The following SLC25A14 variants were observed in gnomAD, a reference collection of about 807,000 sequenced individuals.
SLC25A14 encodes brain mitochondrial carrier protein 1.
In SLC25A14, 8 loss-of-function variants were observed where a neutral mutation model predicts 28.1. The observed-to-expected ratio is 0.28, with a 90% CI of 0.17 to 0.51. The LOEUF is 0.51. Among genes scored for constraint, SLC25A14 ranks in the 20% least tolerant of loss-of-function variants. The pLI is 0.97. For synonymous variants in SLC25A14, 74 were observed against 90.6 expected (o/e 0.82, Z 1.04); for missense variants, 135 against 263.8 (o/e 0.51, Z 3.38).
At chrX:130,367,808 A>T (rs923535548) in intron 9 of SLC25A14, among the ~76,000 whole-genome samples, 1 of 111,710 alleles carries the variant, frequency 9.0e-6, no homozygotes, top group Non-Finnish European at 1.9e-5. Context: ...ACCAATTTTT[A>T]TTTATTTATT....
chrX:130,373,064 T>C lies in SLC25A14; in HGVS notation c.*114T>C. 1 of 542,117 alleles carries C rather than the reference T, an allele frequency of 1.8e-6. No individual in the cohort carries two copies. The highest frequency in any genetic ancestry group is 3.1e-6 in the Non-Finnish European group (1 of 326,553). 44.7% of individuals were successfully genotyped at this position (542,117 alleles called of 1,213,427 possible). A position where few individuals can be genotyped will look rare whatever the true frequency, so the allele number is the denominator to read the frequency against. On this transcript the variant is annotated 3_prime_UTR_variant, in exon 11 of 11. Coordinates refer to ENST00000545805, the MANE Select transcript of SLC25A14 (RefSeq NM_001282195.2). ...AGTGTTTACCAAGCCGTTGGTCTCC[T>C]AAGGGCCTCCTGATGGAAGAACAGT...
chrX:130,365,722 T>A, intron 9 of SLC25A14, 46 bp downstream of exon 9: 1 of 948,973 alleles, frequency 1.1e-6, no homozygotes, highest in Non-Finnish European at 1.5e-6. Context: ...TTCTTTGATG[T>A]CTTAGACCTT....
chrX:130,368,908 G>A (rs1417989567), intron 9 of SLC25A14, among the ~76,000 whole-genome samples: 1 of 112,292 alleles, frequency 8.9e-6, no homozygotes, highest in Non-Finnish European at 1.9e-5. Flanking sequence ...TAACCTTTAA[G>A]TACTTACATT....
At position 130,373,338 on chromosome X, in the gene SLC25A14, T is replaced by C. The variant is rs1037401494; in HGVS notation, c.*388T>C. 2 of 129,987 alleles carry C rather than the reference T, an allele frequency of 1.5e-5. No individual in the cohort carries two copies. The highest frequency in any genetic ancestry group is 6.3e-5 in the African/African-American group (2 of 31,862). The allele number at this position is 129,987 out of a possible 1,213,427, so 10.7% of individuals were successfully genotyped here. On this transcript the variant is annotated 3_prime_UTR_variant, in exon 11 of 11. Coordinates refer to ENST00000545805, the MANE Select transcript of SLC25A14 (RefSeq NM_001282195.2). ...ATGTGTTACAGACCTCGGTTCTCAT[T>C]AAAGTATTTATTGGCAGAATCACTT... is the stretch of plus-strand genomic sequence containing the variant.
intron 7 of SLC25A14, 44 bp from the exon 8 acceptor site, chrX:130,364,584 C>T (rs1307111777): frequency 9.5e-7 from 1 of 1,052,558 alleles, no homozygotes; most frequent in East Asian, 3.1e-5. Flanking sequence ...AGACATCACT[C>T]CCTTTGTATT....
At chrX:130,358,562 A>C (rs888913813) in intron 6 of SLC25A14, 78 bp from the exon 7 acceptor site, 1 of 632,328 alleles carries the variant, frequency 1.6e-6, no homozygotes, top group African/African-American at 2.2e-5. Flanking sequence ...ATTTAAAATG[A>C]ATTTAAATGA....
chrX:130,353,234 A>G (rs2033673681), intron 6 of SLC25A14, among the ~76,000 whole-genome samples: 1 of 111,529 alleles, frequency 9.0e-6, no homozygotes, highest in Non-Finnish European at 1.9e-5. Flanking sequence ...TTAATTGAAG[A>G]GCTCCTTGTA....
intron 6 of SLC25A14, among the ~76,000 whole-genome samples, chrX:130,356,205 T>G (rs902076652): frequency 2.9e-4 from 31 of 106,804 alleles, no homozygotes; most frequent in Non-Finnish European, 5.4e-4. Flanking sequence ...AGAATTCTTC[T>G]GCAAGGGCAA....
chrX:130,346,250 T>TA (rs1033744913), intron 3 of SLC25A14, among the ~76,000 whole-genome samples: 13 of 110,644 alleles, frequency 1.2e-4, no homozygotes, highest in African/African-American at 3.6e-4. Flanking sequence ...ACAGATGAAA[T>TA]AAAAAACAAC....
intron 6 of SLC25A14, among the ~76,000 whole-genome samples, chrX:130,354,501 G>T (rs2033729762): frequency 8.9e-6 from 1 of 112,046 alleles, no homozygotes; most frequent in South Asian, 3.6e-4. Flanking sequence ...AAAATAAAAG[G>T]TCTCCATATA....
intron 6 of SLC25A14, 73 bp downstream of exon 6, chrX:130,350,804 C>A: frequency 3.4e-6 from 2 of 585,068 alleles, no homozygotes; most frequent in Admixed American, 2.9e-5. Flanking sequence ...CCCACTCTGT[C>A]ACTTGCCAGC....
At chrX:130,372,751 C>T (rs1186933442) in intron 10 of SLC25A14, among the ~76,000 whole-genome samples, 158 bp from the exon 11 acceptor site, 4 of 111,360 alleles carry the variant, frequency 3.6e-5, no homozygotes, top group South Asian at 3.8e-4. Context: ...CGTGAGCCAC[C>T]GCGCCCGGCT....
At chrX:130,367,929 C>G (rs1220848867) in intron 9 of SLC25A14, among the ~76,000 whole-genome samples, 1 of 112,345 alleles carries the variant, frequency 8.9e-6, no homozygotes, top group African/African-American at 3.2e-5. Context: ...ATTACAGGTG[C>G]CCGCCACTAC....
chrX:130,364,359 GT>G (rs746222911), intron 7 of SLC25A14, among the ~76,000 whole-genome samples: 2 of 110,621 alleles, frequency 1.8e-5, no homozygotes, highest in South Asian at 3.9e-4. Context: ...AGTCATAAAA[GT>G]TTTTAATTGT....
At chrX:130,347,492 C>T (rs1352664341) in intron 4 of SLC25A14, among the ~76,000 whole-genome samples, 1 of 111,460 alleles carries the variant, frequency 9.0e-6, no homozygotes, top group Non-Finnish European at 1.9e-5. Context: ...ACCATTTGAG[C>T]TGCTGCTGTC....
In SLC25A14 at chrX:130,340,089, GTCTC is replaced by G; in HGVS notation, c.-172-11_-172-8del. On this transcript the variant is annotated splice_polypyrimidine_tract_variant and intron_variant, in intron 1 of 10. Coordinates refer to ENST00000545805, the MANE Select transcript of SLC25A14 (RefSeq NM_001282195.2). The stretch of plus-strand genomic sequence containing the variant: ...CTGGGAGGGGCTTAACGGTCCTCTG[GTCTC>G]TCTCTCCCCTCAGCTGAGTCCCTTC... The G allele has an allele frequency of 5.6e-6, 6 of 1,063,299 alleles. No homozygotes were observed. Among genetic ancestry groups the G allele is most frequent in the South Asian group, 2.5e-5 (1 of 40,520 alleles). 87.6% of individuals were successfully genotyped at this position (1,063,299 alleles called of 1,213,427 possible).
intron 7 of SLC25A14, among the ~76,000 whole-genome samples, chrX:130,360,572 A>T (rs1393199440): frequency 8.9e-6 from 1 of 111,859 alleles, no homozygotes; most frequent in Non-Finnish European, 1.9e-5. Context: ...ATCACCTTTC[A>T]TCTAACTAAT....
At chrX:130,348,805 T>TA (rs2033534567) in intron 4 of SLC25A14, among the ~76,000 whole-genome samples, 1 of 89,601 alleles carries the variant, frequency 1.1e-5, no homozygotes, top group African/African-American at 4.3e-5. Flanking sequence ...TTTTTTTTTT[T>TA]AAAATGCAAG....
chrX:130,352,729 C>T lies in SLC25A14; in HGVS notation c.498+1998C>T, dbSNP rs1357420839. 5.4e-5 allele frequency among the ~76,000 whole-genome samples: 6 copies of T among 111,470 alleles called. No homozygotes were observed. In the East Asian group the frequency reaches 1.1e-3, roughly 21 times the overall value. On this transcript the variant is annotated intron_variant, in intron 6 of 10. Transcript: ENST00000545805. The stretch of plus-strand genomic sequence containing the variant: ...TGTATGTCTTCTTTTGAGAAGTGTC[C>T]GTTCATGTCTTTTGCCTACTTTTTA...
Sources: allele counts gnomAD v4.1 joint callset (sites outside exome capture counted in the v4.1 genomes callset), GRCh38; gene constraint gnomAD v4.1.1; transcripts MANE v1.5; gene names NCBI Gene and HGNC (gene_info 2026-07-23, HGNC 2026-07-21).